AP1G2: variants seen among roughly 807,000 people sequenced by gnomAD.
AP1G2 encodes AP-1 complex subunit gamma-like 2.
A neutral mutation model predicts 95.8 loss-of-function variants in AP1G2; 85 were observed. The observed-to-expected ratio is 0.89, with a 90% CI of 0.74 to 1.06. The LOEUF (loss-of-function observed/expected upper bound fraction) is 1.06. AP1G2 is among the 50% of genes least tolerant of loss of function. The probability of loss-of-function intolerance (pLI) is 0.00; values close to 1 mark genes in which losing one functional copy is unlikely to be tolerated. For missense variants in AP1G2, 967 were observed against 1,005.8 expected (o/e 0.96, Z 0.52); for synonymous variants, 378 against 400.0 (o/e 0.94, Z 0.66).
rs773270989 is a variant in AP1G2 at position 23,567,343 on chromosome 14, AAC to A, written c.-5-26_-5-25del. ...GACTGGCAGAGTCCGGGAGTGGAGA[AAC>A]ACTCTCTGGTCGGGCGTGCCTGGGC... On this transcript the variant is annotated intron_variant, in intron 1 of 21. Transcript: ENST00000397120. This position sits in a 1 kb window ranked among gnomAD's most constrained non-coding sequence, Gnocchi z 5.3. The A allele has an allele frequency of 3.1e-6, 5 of 1,605,772 alleles. No homozygotes were observed. Among genetic ancestry groups the A allele is most frequent in the Non-Finnish European group, 2.5e-6 (3 of 1,177,900 alleles).
intron 7 of AP1G2, 62 bp downstream of exon 7, chr14:23,565,544 G>T: frequency 7.0e-7 from 1 of 1,423,764 alleles, no homozygotes. Flanking sequence ...GAAACCACTG[G>T]TCATGGTCTT....
intron 20 of AP1G2, 50 bp from the exon 21 acceptor site, chr14:23,560,086 G>T: frequency 6.9e-7 from 1 of 1,439,872 alleles, no homozygotes; most frequent in Non-Finnish European, 9.6e-7. Context: ...GTAGGGCTCA[G>T]GCAGCCCCTC....
In AP1G2 at chr14:23,562,295, C is replaced by A; in HGVS notation, c.1621G>T (p.Asp541Tyr). The A allele has an allele frequency of 6.2e-7, 1 of 1,614,140 alleles. No individual in the cohort carries two copies. Among genetic ancestry groups the A allele is most frequent in the South Asian group, 1.1e-5 (1 of 91,080 alleles). The change falls in exon 16 of 22, where the codon GAC becomes TAC. Residue 541 changes from aspartate (D) to tyrosine (Y), a missense_variant. Transcript: ENST00000397120. ...LMKLSTRLCG[D>Y]NNRIRQVVSI... ...GCTGGGACCCCTTCTTACTTGTTGT[C>A]CCCACAGAGGCGAGTGCTGAGCTTC...
rs1191234301 is a variant in AP1G2, at chr14:23,560,046, G to A, written c.2158-10C>T. ...GCTGCAGCTGGAGACTCTGAACACAGGAGTTTAACAGAGCACAGTATGGCA... is the reference window on the plus strand; with the variant it reads ...GCTGCAGCTGGAGACTCTGAACACAAGAGTTTAACAGAGCACAGTATGGCA... On this transcript the variant is annotated splice_polypyrimidine_tract_variant and intron_variant, in intron 20 of 21. Transcript: ENST00000397120. 10 of 1,580,616 alleles carry A rather than the reference G, an allele frequency of 6.3e-6. No individual in the cohort carries two copies. Among genetic ancestry groups the A allele is most frequent in the Non-Finnish European group, 8.7e-6 (10 of 1,153,936 alleles).
chr14:23,564,192 T>C (rs1010799020), intron 10 of AP1G2, 33 bp from the exon 11 acceptor site: 1 of 1,612,272 alleles, frequency 6.2e-7, no homozygotes, highest in Non-Finnish European at 8.5e-7. Context: ...TATCATACCA[T>C]GGCCATCAGC....
In AP1G2 at chr14:23,561,357, GTC is replaced by G. The variant is rs1239839760; in HGVS notation, c.1930_1931del (p.Asp644ProfsTer12). On this transcript the variant is annotated frameshift_variant, in exon 19 of 22. Coordinates refer to ENST00000397120, the MANE Select transcript of AP1G2 (RefSeq NM_003917.5). LOFTEE classifies it high-confidence loss of function. ...SGDVQHPPHL[D>X]PSPGGALVHL... ...GTACCAGGGCACCTCCTGGGGAGGGGTCCAGATGGGGAGGATGCTGGACATCC... is the reference window on the plus strand; with the variant it reads ...GTACCAGGGCACCTCCTGGGGAGGGGCAGATGGGGAGGATGCTGGACATCC... The G allele has an allele frequency of 1.3e-6, 2 of 1,593,634 alleles. No individual in the cohort carries two copies. Among genetic ancestry groups the G allele is most frequent in the East Asian group, 4.5e-5 (2 of 44,696 alleles).
At chr14:23,562,722 G>A (rs1379709535) in intron 14 of AP1G2, 129 bp from the exon 15 acceptor site, 7 of 795,964 alleles carry the variant, frequency 8.8e-6, no homozygotes, top group Non-Finnish European at 1.4e-5. Flanking sequence ...GGGCAACAAA[G>A]CGAGACCCCC....
intron 11 of AP1G2, 42 bp downstream of exon 11, chr14:23,564,004 G>A: frequency 6.2e-7 from 1 of 1,611,838 alleles, no homozygotes; most frequent in Non-Finnish European, 8.5e-7. Flanking sequence ...AGGGCACTGG[G>A]AACCTCTGCC....
rs1883496206 is a variant in AP1G2 at position 23,560,200 on chromosome 14, G to C, written c.2157+55C>G. 1.9e-6 allele frequency: 3 copies of C among 1,592,500 alleles called. No homozygotes were observed. The highest frequency in any genetic ancestry group is 2.6e-6 in the Non-Finnish European group (3 of 1,165,220). On this transcript the variant is annotated intron_variant, in intron 20 of 21. Coordinates refer to ENST00000397120, the MANE Select transcript of AP1G2 (RefSeq NM_003917.5). ...GTCTCCCACCCACCTCCTCCACTTA[G>C]TGGCCTTTTCTCCTGGAGTCCCCAG... is the stretch of plus-strand genomic sequence containing the variant.
rs1883065318 is a variant in AP1G2, at chr14:23,559,616, G to C, written c.*133C>G. 1.4e-6 allele frequency: 1 copy of C among 716,638 alleles called. No homozygotes were observed. Among genetic ancestry groups the C allele is most frequent in the African/African-American group, 1.8e-5 (1 of 56,198 alleles). The allele number at this position is 716,638 out of a possible 1,614,324, so 44.4% of individuals were successfully genotyped here. On this transcript the variant is annotated 3_prime_UTR_variant, in exon 22 of 22. Transcript: ENST00000397120. ...TATTGGGCTTTATTTGTGGGAGAAGGGGGCTGGTCCCCAGTTTTTGCAGTG... is the reference window on the plus strand; with the variant it reads ...TATTGGGCTTTATTTGTGGGAGAAGCGGGCTGGTCCCCAGTTTTTGCAGTG...
rs757149895 is a variant in AP1G2 at position 23,565,620 on chromosome 14, C to T, written c.727G>A (p.Asp243Asn). The T allele has an allele frequency of 1.5e-5, 25 of 1,613,778 alleles. No individual in the cohort carries two copies. In the East Asian group the frequency reaches 1.6e-4, roughly 10 times the overall value. ...GGTCACCCCACCTGCAGGAAGGGGT[C>T]GCTGACTCCAGATATGCTGTGTTCT... Reference protein sequence around the residue: ...STEHSISGVSDPFLQVQILRL... With the variant: ...STEHSISGVSNPFLQVQILRL... Residue 243 changes from aspartate to asparagine, a missense_variant, in exon 7 of 22, where the codon GAC (aspartate) becomes AAC (asparagine). Asp to Asn is a conservative substitution (Grantham distance 23, BLOSUM62 1). Transcript: ENST00000397120.
chr14:23,562,582 C>G lies in AP1G2; in HGVS notation c.1422G>C (p.Val474=), dbSNP rs757516922. Residue 474 remains valine, a synonymous_variant, in exon 15 of 22, where the codon GTG becomes GTC. Coordinates refer to ENST00000397120, the MANE Select transcript of AP1G2 (RefSeq NM_003917.5). ...CCCCAATGCACCAGGCTGCCACCTG[C>G]ACCAGTGGTTGCTACATGGGATAAG... is the stretch of plus-strand genomic sequence containing the variant. ...LAEDISQQPL[V]QVAAWCIGEY... is the part of the protein sequence containing the mutation. 6.2e-7 allele frequency: 1 copy of G among 1,614,018 alleles called. No homozygotes were observed. Among genetic ancestry groups the G allele is most frequent in the South Asian group, 1.1e-5 (1 of 91,070 alleles).
rs572801017 is a variant in AP1G2, at chr14:23,565,716, C to T, written c.646-15G>A. 6.0e-5 allele frequency: 97 copies of T among 1,611,972 alleles called. No homozygotes were observed. In the South Asian group the frequency reaches 9.7e-4, roughly 16 times the overall value. Reference sequence around the variant, plus strand: ...TGGGGTACCACCTGGAGGGAGGGCACAACTTTGGGCATTCGTTCTAATCCT... The same window carrying T: ...TGGGGTACCACCTGGAGGGAGGGCATAACTTTGGGCATTCGTTCTAATCCT... On this transcript the variant is annotated splice_polypyrimidine_tract_variant and intron_variant, in intron 6 of 21. Coordinates refer to ENST00000397120, the MANE Select transcript of AP1G2 (RefSeq NM_003917.5).
chr14:23,559,884 C>T (rs61977711), intron 21 of AP1G2, 34 bp from the exon 22 acceptor site: 2 of 1,612,288 alleles, frequency 1.2e-6, no homozygotes, highest in Non-Finnish European at 1.7e-6. Context: ...AGGGTTAGCA[C>T]CCACGGCTTC....
chr14:23,565,949 C>T (rs755466833), intron 5 of AP1G2, 57 bp from the exon 6 acceptor site: 475 of 1,604,218 alleles, frequency 3.0e-4, no homozygotes, highest in Non-Finnish European at 3.9e-4. Flanking sequence ...GAGTCTATTG[C>T]GTGTGTGCCT....
Position 23,565,176 on chromosome 14 carries a change from C to A in AP1G2, c.765G>T (p.Arg255=), listed in dbSNP as rs963240169. Residue 255 remains arginine (R), a synonymous_variant, in exon 8 of 22, where the codon CGG becomes CGT. Transcript: ENST00000397120. ...TCTCCTCGTGGTTCCGGCCCAGGATCCGAAGCAGACGAAGTATCTGGACCT... is the reference window on the plus strand; with the variant it reads ...TCTCCTCGTGGTTCCGGCCCAGGATACGAAGCAGACGAAGTATCTGGACCT... The part of the protein sequence containing the change: ...FLQVQILRLL[R]ILGRNHEESS... 2 of 1,614,054 alleles carry A rather than the reference C, an allele frequency of 1.2e-6. No individual in the cohort carries two copies. Among genetic ancestry groups the A allele is most frequent in the African/African-American group, 2.7e-5 (2 of 74,932 alleles).
Position 23,565,801 on chromosome 14 carries a change from C to T in AP1G2, c.645+15G>A. 3 of 1,589,406 alleles carry T rather than the reference C, an allele frequency of 1.9e-6. No individual in the cohort carries two copies. Among genetic ancestry groups the T allele is most frequent in the South Asian group, 2.3e-5 (2 of 87,030 alleles). ...CTGTCTTCCAGGCCCAGGGCCTGCC[C>T]CTTCACCAGCCCACCTTTCGGAAGT... is the stretch of plus-strand genomic sequence containing the variant. On this transcript the variant is annotated intron_variant, in intron 6 of 21. Transcript: ENST00000397120.
rs200780955 is a variant in AP1G2, at chr14:23,562,058, C to T, written c.1637G>A (p.Arg546His). ...GCTCCCGTAGATGGACACCACCTGGCGGATGCGGCTGGGCCAGTGTAGTAT... is the reference window on the plus strand; with the variant it reads ...GCTCCCGTAGATGGACACCACCTGGTGGATGCGGCTGGGCCAGTGTAGTAT... ...TRLCGDNNRIRQVVSIYGSCL... is the reference protein window; with the variant it reads ...TRLCGDNNRIHQVVSIYGSCL... The change falls in exon 17 of 22, where the codon CGC becomes CAC. Residue 546 changes from arginine to histidine, a missense_variant. Physicochemically the swap from Arg to His is conservative, Grantham distance 29. Coordinates refer to ENST00000397120, the MANE Select transcript of AP1G2 (RefSeq NM_003917.5). The T allele has an allele frequency of 2.7e-4, 436 of 1,613,438 alleles. No individual in the cohort carries two copies. Among genetic ancestry groups the T allele is most frequent in the Middle Eastern group, 3.4e-4 (2 of 5,938 alleles).
chr14:23,567,262 G>A lies in AP1G2; in HGVS notation c.53C>T (p.Ala18Val). Residue 18 changes from alanine to valine, a missense_variant, in exon 2 of 22, where the codon GCC (alanine) becomes GTC (valine). Ala to Val is a moderately conservative substitution (Grantham distance 64). Transcript: ENST00000397120. The surrounding 1 kb of genome is among the most constrained non-coding windows in gnomAD (Gnocchi z 5.3). ...CTCCCGCTCCTGGGCCTGAGTCTTG[G>A]CCCCGCGAATCTCTTCGATGAGGTC... is the stretch of plus-strand genomic sequence containing the variant. ...LQDLIEEIRG[A>V]KTQAQEREVI... The A allele has an allele frequency of 6.2e-7, 1 of 1,613,162 alleles. No individual in the cohort carries two copies. The highest frequency in any genetic ancestry group is 1.1e-5 in the South Asian group (1 of 91,016).
Sources: allele counts gnomAD v4.1 joint callset, GRCh38; gene constraint gnomAD v4.1.1; non-coding constraint Gnocchi (gnomAD v3.1); transcripts MANE v1.5; gene names NCBI Gene and HGNC (gene_info 2026-07-23, HGNC 2026-07-21).